The following ARMH4 variants were observed in gnomAD, a reference collection of about 807,000 sequenced individuals.
The protein encoded by ARMH4 is armadillo like helical domain containing 4.
A neutral mutation model predicts 61.9 loss-of-function variants in ARMH4; 49 were observed. The observed-to-expected ratio is 0.79, with a 90% confidence interval of 0.63 to 1.00. The LOEUF is 1.00. Among genes scored for constraint, ARMH4 ranks in the 50% least tolerant of loss-of-function variants. The pLI, the probability that ARMH4 is intolerant of heterozygous loss-of-function variation, is 0.00. For synonymous variants in ARMH4, 368 were observed against 341.5 expected (o/e 1.08, Z -0.85); for missense variants, 934 against 930.0 (o/e 1.00, Z -0.06).
At chr14:58,098,948 T>C (rs1054662871) in intron 4 of ARMH4, among the ~76,000 whole-genome samples, 2 of 152,006 alleles carry the variant, frequency 1.3e-5, no homozygotes, top group African/African-American at 2.4e-5. Context: ...AGGAATAGAT[T>C]ATGGTGCTTT....
chr14:58,048,483 G>C (rs1415137375), intron 5 of ARMH4, among the ~76,000 whole-genome samples: 1 of 152,204 alleles, frequency 6.6e-6, no homozygotes, highest in East Asian at 1.9e-4. Context: ...GTGATGATAA[G>C]AGGCATTCCC....
At chr14:58,137,504 T>C (rs974619648) in intron 2 of ARMH4, among the ~76,000 whole-genome samples, 8 of 152,130 alleles carry the variant, frequency 5.3e-5, no homozygotes, top group Non-Finnish European at 1.2e-4. Flanking sequence ...GTTAAAGTGA[T>C]TCTCCTGCCT....
rs141883961 is a variant in ARMH4 at position 58,022,112 on chromosome 14, G to A, written c.2090-9962C>T. On this transcript the variant is annotated intron_variant, in intron 5 of 7. Transcript: ENST00000267485. ...TCAACAGGGTTAGTTCCTTCTAGAG[G>A]CTCTAGGAGAGAATCTTTTTCCTTG... 1.8e-4 allele frequency among the ~76,000 whole-genome samples: 28 copies of A among 152,270 alleles called. No homozygotes were observed. In the East Asian group the frequency reaches 5.0e-3, roughly 27 times the overall value.
chr14:58,100,739 C>A (rs1885942531), intron 4 of ARMH4, among the ~76,000 whole-genome samples: 1 of 152,158 alleles, frequency 6.6e-6, no homozygotes, highest in Admixed American at 6.5e-5. Flanking sequence ...GCACCCCTTC[C>A]TTCTCCTGGA....
chr14:58,030,186 G>C (rs1226220182), intron 5 of ARMH4, among the ~76,000 whole-genome samples: 1 of 152,104 alleles, frequency 6.6e-6, no homozygotes, highest in African/African-American at 2.4e-5. Context: ...CATAGAGAGG[G>C]GAGAGAGTAG....
At chr14:58,118,263 A>G (rs1886597149) in intron 4 of ARMH4, among the ~76,000 whole-genome samples, 1 of 152,182 alleles carries the variant, frequency 6.6e-6, no homozygotes, top group African/African-American at 2.4e-5. Context: ...TGGTGAGAAC[A>G]GTGCTATACT....
At chr14:58,007,946 G>C (rs1882242797) in intron 6 of ARMH4, among the ~76,000 whole-genome samples, 1 of 152,050 alleles carries the variant, frequency 6.6e-6, no homozygotes, top group South Asian at 2.1e-4. Context: ...ATAAAAGATG[G>C]CTATAAAAAT....
At chr14:58,129,633 T>C (rs759974292) in intron 4 of ARMH4, among the ~76,000 whole-genome samples, 3 of 152,184 alleles carry the variant, frequency 2.0e-5, no homozygotes, top group Non-Finnish European at 4.4e-5. Flanking sequence ...AATAGAGGCC[T>C]CCAATACATC....
chr14:58,020,330 G>T (rs975235668), intron 5 of ARMH4, among the ~76,000 whole-genome samples: 1 of 152,184 alleles, frequency 6.6e-6, no homozygotes, highest in African/African-American at 2.4e-5. Context: ...GGGAGGCAGC[G>T]TGTATTAGCT....
At position 58,139,344 on chromosome 14, in the gene ARMH4, A is replaced by C. The variant is rs751847614; in HGVS notation, c.15T>G (p.Ile5Met). ...AGAAAGCCAGACAAATGTGCAATAC[A>C]ATCGGTCCTCTCATAGTGGAAGAGA... MRGP[I>M]VLHICLAFCS... The change falls in exon 2 of 8, where the codon ATT (isoleucine) becomes ATG (methionine). Residue 5 changes from isoleucine to methionine, a missense_variant. By Grantham distance (10) the Ile-to-Met change is conservative. Coordinates refer to ENST00000267485, the MANE Select transcript of ARMH4 (RefSeq NM_001001872.4). 2 of 1,613,932 alleles carry C rather than the reference A, an allele frequency of 1.2e-6. No individual in the cohort carries two copies. Among genetic ancestry groups the C allele is most frequent in the Non-Finnish European group, 1.7e-6 (2 of 1,180,026 alleles).
At chr14:58,084,611 T>C (rs528107873) in intron 5 of ARMH4, among the ~76,000 whole-genome samples, 1 of 152,274 alleles carries the variant, frequency 6.6e-6, no homozygotes, top group Admixed American at 6.5e-5. Flanking sequence ...CTATCCTCTT[T>C]CAAGAGAAGC....
chr14:58,026,744 G>T (rs1883033888), intron 5 of ARMH4, among the ~76,000 whole-genome samples: 1 of 152,194 alleles, frequency 6.6e-6, no homozygotes, highest in African/African-American at 2.4e-5. Context: ...TAGGTAAGGT[G>T]ATAAGCCACT....
At chr14:58,049,025 C>T (rs1884034387) in intron 5 of ARMH4, among the ~76,000 whole-genome samples, 1 of 151,998 alleles carries the variant, frequency 6.6e-6, no homozygotes, top group African/African-American at 2.4e-5. Flanking sequence ...ATCATGAGGT[C>T]AGGAGATCGA....
At chr14:58,128,497 T>C (rs546448990) in intron 4 of ARMH4, among the ~76,000 whole-genome samples, 4 of 152,306 alleles carry the variant, frequency 2.6e-5, no homozygotes, top group Non-Finnish European at 4.4e-5. Flanking sequence ...ATTGTGAGAA[T>C]ATTTATCCCT....
Position 58,005,182 on chromosome 14 carries a change from C to T in ARMH4, c.2122G>A (p.Ala708Thr). Residue 708 changes from alanine (A) to threonine (T), a missense_variant and splice_region_variant, in exon 7 of 8, where the codon GCT becomes ACT. By Grantham distance (58) the Ala-to-Thr change is moderately conservative. Coordinates refer to ENST00000267485, the MANE Select transcript of ARMH4 (RefSeq NM_001001872.4). ...ACCAGCATCCCAGACATGTAACCAG[C>T]CTGCATAGAAAAGGAAACACACATT... ...RSWMEKLKDK[A>T]GYMSGMLVPV... is the part of the protein sequence containing the mutation. 6.2e-7 allele frequency: 1 copy of T among 1,613,914 alleles called. No homozygotes were observed. The highest frequency in any genetic ancestry group is 8.5e-7 in the Non-Finnish European group (1 of 1,179,886).
intron 4 of ARMH4, among the ~76,000 whole-genome samples, chr14:58,105,894 A>G (rs940504856): frequency 2.0e-5 from 3 of 152,206 alleles, no homozygotes; most frequent in African/African-American, 7.2e-5. Flanking sequence ...CATGTTACCT[A>G]GAATTGGAAA....
intron 5 of ARMH4, among the ~76,000 whole-genome samples, chr14:58,024,686 T>C (rs1316839112): frequency 6.6e-6 from 1 of 152,182 alleles, no homozygotes; most frequent in African/African-American, 2.4e-5. Flanking sequence ...AAGCTTAACA[T>C]TTATAGCCTT....
At chr14:58,044,958 A>T (rs1883878736) in intron 5 of ARMH4, among the ~76,000 whole-genome samples, 1 of 152,176 alleles carries the variant, frequency 6.6e-6, no homozygotes, top group Admixed American at 6.5e-5. Context: ...AAAGCCAGGA[A>T]ACAACAGGTG....
intron 5 of ARMH4, among the ~76,000 whole-genome samples, chr14:58,043,301 G>T (rs202171394): frequency 0.14 from 20,858 of 150,830 alleles, 1,981 homozygotes; most frequent in East Asian, 0.48. Context: ...TGGTTCAACA[G>T]ATGCAAATCA....
Sources: allele counts gnomAD v4.1 joint callset (sites outside exome capture counted in the v4.1 genomes callset), GRCh38; gene constraint gnomAD v4.1.1; transcripts MANE v1.5; gene names NCBI Gene and HGNC (gene_info 2026-07-23, HGNC 2026-07-21).